Variants in DDX60L observed in about 807,000 individuals in gnomAD.
DDX60L encodes DExD/H-box 60 like.
Under a neutral mutation model 211.6 loss-of-function variants are expected in DDX60L, and 191 were observed. That is an observed-to-expected ratio of 0.90 (90% CI 0.80 to 1.02). DDX60L has a LOEUF of 1.02. Ranked by LOEUF, DDX60L falls within the 50% of genes least tolerant of loss-of-function variation. The probability of loss-of-function intolerance (pLI) is 0.00; values close to 1 mark genes in which losing one functional copy is unlikely to be tolerated. For missense variants in DDX60L, 2,007 were observed against 1,984.1 expected (o/e 1.01, Z -0.22); for synonymous variants, 706 against 694.1 (o/e 1.02, Z -0.27).
rs200027731 is a variant in DDX60L at position 168,377,291 on chromosome 4, CAAATAAATAAAT to C, written c.4485+1051_4485+1062del. Among the ~76,000 whole-genome samples, 799 of 110,676 alleles carry C rather than the reference CAAATAAATAAAT, an allele frequency of 7.2e-3. 4 individuals are homozygous for C. The highest frequency in any genetic ancestry group is 0.022 in the African/African-American group (623 of 28,204). The allele number at this position is 110,676 out of a possible 152,430, so 72.6% of individuals were successfully genotyped here. A position where few individuals can be genotyped will look rare whatever the true frequency, so the allele number is the denominator to read the frequency against. The stretch of plus-strand genomic sequence containing the variant: ...TGGGTGAGTGAGCAAGACTCTGTCT[CAAATAAATAAAT>C]AAATAAATAAATAAATAAATAAATA... On this transcript the variant is annotated intron_variant, in intron 33 of 37. Coordinates refer to ENST00000682922, the MANE Select transcript of DDX60L (RefSeq NM_001012967.3).
chr4:168,371,952 C>A (rs752760102), intron 35 of DDX60L, among the ~76,000 whole-genome samples, 189 bp from the exon 36 acceptor site: 81 of 151,960 alleles, frequency 5.3e-4, no homozygotes, highest in Non-Finnish European at 8.8e-4. Flanking sequence ...AGGGAAAGGG[C>A]GTGTTACAGA....
chr4:168,385,240 A>C (rs893528989), intron 29 of DDX60L, among the ~76,000 whole-genome samples: 1 of 152,158 alleles, frequency 6.6e-6, no homozygotes, highest in African/African-American at 2.4e-5. Flanking sequence ...CCAGTGGCTA[A>C]TGGTTTAATT....
chr4:168,398,660 C>T (rs1484036413), intron 26 of DDX60L, among the ~76,000 whole-genome samples: 2 of 152,238 alleles, frequency 1.3e-5, no homozygotes, highest in Non-Finnish European at 2.9e-5. Context: ...ATGGACCAAT[C>T]AGCACACACT....
chr4:168,456,848 A>G (rs1185542266), intron 6 of DDX60L, among the ~76,000 whole-genome samples: 6 of 152,314 alleles, frequency 3.9e-5, no homozygotes, highest in Admixed American at 6.5e-5. Context: ...CACTCATTAG[A>G]TACTACATTT....
chr4:168,449,628 ACATT>A (rs1287671599), intron 8 of DDX60L, among the ~76,000 whole-genome samples: 7 of 55,960 alleles, frequency 1.3e-4, no homozygotes, highest in East Asian at 5.7e-4. Flanking sequence ...AAAAAAAAAA[ACATT>A]AAAACAAAAA....
Position 168,378,431 on chromosome 4 carries a change from C to T in DDX60L, c.4408G>A (p.Val1470Ile), listed in dbSNP as rs1421249258. 2 of 1,575,180 alleles carry T rather than the reference C, an allele frequency of 1.3e-6. No individual in the cohort carries two copies. The highest frequency in any genetic ancestry group is 1.7e-6 in the Non-Finnish European group (2 of 1,157,654). The change falls in exon 33 of 38, where the codon GTA (valine) becomes ATA (isoleucine). Residue 1470 changes from valine (V) to isoleucine (I), a missense_variant. Transcript: ENST00000682922. ...SQDVMEKLVL[V>I]LANLFGRKYI... is the part of the protein sequence containing the mutation. Reference sequence around the variant, plus strand: ...TTTCTTCCAAACAAATTTGCCAATACTAACACGAGCTTTTCCATCACATCT... The same window carrying T: ...TTTCTTCCAAACAAATTTGCCAATATTAACACGAGCTTTTCCATCACATCT...
intron 15 of DDX60L, 69 bp downstream of exon 15, chr4:168,423,539 C>A: frequency 9.0e-7 from 1 of 1,112,130 alleles, no homozygotes; most frequent in South Asian, 1.5e-5. Context: ...CTTCATTAGA[C>A]CTATTAGTTA....
chr4:168,414,649 T>C (rs1305233199), intron 22 of DDX60L, among the ~76,000 whole-genome samples: 1 of 151,946 alleles, frequency 6.6e-6, no homozygotes, highest in Non-Finnish European at 1.5e-5. Context: ...AATGTGGCAC[T>C]TAAAAACAGT....
chr4:168,371,901 G>C, intron 35 of DDX60L, 138 bp from the exon 36 acceptor site: 4 of 778,220 alleles, frequency 5.1e-6, no homozygotes, highest in Non-Finnish European at 8.0e-6. Context: ...GGCAGAGGGG[G>C]ATTCCCATGG....
intron 4 of DDX60L, among the ~76,000 whole-genome samples, chr4:168,471,053 T>A (rs1758701253): frequency 6.6e-6 from 1 of 152,180 alleles, no homozygotes; most frequent in Non-Finnish European, 1.5e-5. Context: ...GATCGTTAAA[T>A]GGCATTAGGT....
At chr4:168,437,184 T>C (rs533105493) in intron 10 of DDX60L, among the ~76,000 whole-genome samples, 1 of 152,332 alleles carries the variant, frequency 6.6e-6, no homozygotes, top group South Asian at 2.1e-4. Context: ...TCGCACTATC[T>C]GTGAATGTGA....
Position 168,404,066 on chromosome 4 carries a change from G to GC in DDX60L, c.3253_3254insG (p.Ser1085CysfsTer2). The GC allele has an allele frequency of 2.1e-6, 3 of 1,441,964 alleles. No individual in the cohort carries two copies. The highest frequency in any genetic ancestry group is 1.4e-5 in the African/African-American group (1 of 69,098). 89.3% of individuals were successfully genotyped at this position (1,441,964 alleles called of 1,614,324 possible). ...CATTTTCACCATATCTTTTGAACTA[G>GC]ACAATGAATCCGGACTAAGGTTCTT... On this transcript the variant is annotated frameshift_variant, in exon 25 of 38. Transcript: ENST00000682922. LOFTEE classifies it high-confidence loss of function.
chr4:168,441,540 A>T, intron 9 of DDX60L, 48 bp from the exon 10 acceptor site: 1 of 1,418,338 alleles, frequency 7.1e-7, no homozygotes. Context: ...ATACACATGC[A>T]GACACACACA....
chr4:168,461,401 C>G (rs1757300690), intron 5 of DDX60L, among the ~76,000 whole-genome samples: 1 of 152,118 alleles, frequency 6.6e-6, no homozygotes, highest in African/African-American at 2.4e-5. Flanking sequence ...CTTCAATACT[C>G]TAAATATTCT....
chr4:168,361,852 C>T (rs373576615), intron 36 of DDX60L, among the ~76,000 whole-genome samples: 2 of 152,200 alleles, frequency 1.3e-5, no homozygotes, highest in African/African-American at 2.4e-5. Context: ...TAAGTAGTTT[C>T]GTTGCCCCAG....
intron 8 of DDX60L, among the ~76,000 whole-genome samples, chr4:168,451,659 T>C (rs1755823339): frequency 6.6e-6 from 1 of 152,214 alleles, no homozygotes; most frequent in Non-Finnish European, 1.5e-5. Flanking sequence ...GCCAAAGAAC[T>C]CTTAAACAAA....
At chr4:168,463,862 G>A (rs1044417746) in intron 4 of DDX60L, among the ~76,000 whole-genome samples, 1 of 152,166 alleles carries the variant, frequency 6.6e-6, no homozygotes, top group Non-Finnish European at 1.5e-5. Context: ...GTTGAGATTT[G>A]TTACAATTGG....
intron 32 of DDX60L, 23 bp downstream of exon 32, chr4:168,379,340 A>G: frequency 1.3e-6 from 2 of 1,503,548 alleles, no homozygotes; most frequent in Non-Finnish European, 1.8e-6. Flanking sequence ...TTTTTCGACT[A>G]CAGGTATAAA....
chr4:168,375,247 A>T, intron 34 of DDX60L, 130 bp downstream of exon 34: 1 of 903,454 alleles, frequency 1.1e-6, no homozygotes, highest in East Asian at 2.9e-5. Context: ...GGGATAAAAC[A>T]CTTGGGTTAG....
Sources: allele counts gnomAD v4.1 joint callset (sites outside exome capture counted in the v4.1 genomes callset), GRCh38; gene constraint gnomAD v4.1.1; transcripts MANE v1.5; gene names NCBI Gene and HGNC (gene_info 2026-07-23, HGNC 2026-07-21).